Variants in NIPSNAP3B observed in about 807,000 individuals in gnomAD.
NIPSNAP3B encodes the protein nipsnap homolog 3B.
NIPSNAP3B carries 30 observed loss-of-function variants against 31.5 expected under a neutral mutation model. That is an observed-to-expected ratio of 0.95 (90% CI 0.71 to 1.29). The LOEUF is 1.29. Among genes scored for constraint, NIPSNAP3B ranks in the 50% most tolerant of loss-of-function variants. NIPSNAP3B has a pLI of 0.00. For missense variants in NIPSNAP3B, 269 were observed against 300.7 expected, an observed-to-expected ratio of 0.89 and a Z score of 0.78; for synonymous variants, 106 against 107.9, an observed-to-expected ratio of 0.98 and a Z score of 0.11.
At chr9:104,768,381 C>T (rs1443592258) in intron 2 of NIPSNAP3B, among the ~76,000 whole-genome samples, 1 of 152,152 alleles carries the variant, frequency 6.6e-6, no homozygotes, top group Non-Finnish European at 1.5e-5. Context: ...TAATCACCCA[C>T]CACCAAGGAA....
intron 2 of NIPSNAP3B, among the ~76,000 whole-genome samples, chr9:104,767,641 T>C (rs1225999597): frequency 1.3e-5 from 2 of 152,122 alleles, no homozygotes; most frequent in African/African-American, 2.4e-5. Context: ...ACATGTCCCA[T>C]TGAAAAAACT....
chr9:104,787,737 C>T, the NIPSNAP3B span: 1 of 720,750 alleles, frequency 1.4e-6, no homozygotes, highest in Non-Finnish European at 1.7e-6. Flanking sequence ...CATCTGCAGG[C>T]ATGGTACAGC....
chr9:104,790,278 CT>C, the NIPSNAP3B span, among the ~76,000 whole-genome samples: 1 of 152,064 alleles, frequency 6.6e-6, no homozygotes, highest in Admixed American at 6.5e-5. Context: ...GGGCAATTTA[CT>C]TTGTAGGAAT....
Position 104,764,305 on chromosome 9 carries a change from T to C in NIPSNAP3B, c.60+5T>C. The C allele has an allele frequency of 6.3e-7, 1 of 1,578,374 alleles. No homozygotes were observed. The highest frequency in any genetic ancestry group is 8.6e-7 in the Non-Finnish European group (1 of 1,164,690). On this transcript the variant is annotated splice_donor_5th_base_variant and intron_variant, in intron 1 of 5. Coordinates refer to ENST00000374762, the MANE Select transcript of NIPSNAP3B (RefSeq NM_018376.4). ...TCACGGACGCTCGCGCCTCAGGTAC[T>C]GGCCGCGGGGGCGCGCCCGAGCCCT...
chr9:104,768,762 C>T, intron 2 of NIPSNAP3B, 101 bp from the exon 3 acceptor site: 2 of 913,040 alleles, frequency 2.2e-6, no homozygotes, highest in South Asian at 3.9e-5. Context: ...ACATGGGGTT[C>T]CCATATGGCC....
In NIPSNAP3B at chr9:104,775,970, G is replaced by C; in HGVS notation, c.*2897G>C. On this transcript the variant is annotated 3_prime_UTR_variant, in exon 6 of 6. Coordinates refer to ENST00000374762, the MANE Select transcript of NIPSNAP3B (RefSeq NM_018376.4). ...GGGAAGTGGTCTTAACTGGTGTGCT[G>C]CCCTTCCCCTCTGCTCTCAACCCTA... 6.6e-6 allele frequency among the ~76,000 whole-genome samples: 1 copy of C among 152,156 alleles called. No individual in the cohort carries two copies. The highest frequency in any genetic ancestry group is 1.5e-5 in the Non-Finnish European group (1 of 68,026).
rs749115055 is a variant in NIPSNAP3B at position 104,766,433 on chromosome 9, A to G, written c.169A>G (p.Lys57Glu). The G allele has an allele frequency of 2.4e-5, 39 of 1,613,784 alleles. No individual in the cohort carries two copies. The East Asian group carries it at 8.7e-4, about 36-fold the overall frequency. The change falls in exon 2 of 6, where the codon AAG becomes GAG. Residue 57 changes from lysine (K) to glutamate (E), a missense_variant. Physicochemically the swap from Lys to Glu is moderately conservative, Grantham distance 56. Transcript: ENST00000374762. ...SNMNAFMENL[K>E]KNIHLRTSYS... ...TATGAATGCGTTCATGGAAAATCTTAAGAAAAACATTCATCTTCGGACCTC... is the reference window on the plus strand; with the variant it reads ...TATGAATGCGTTCATGGAAAATCTTGAGAAAAACATTCATCTTCGGACCTC...
the NIPSNAP3B span, among the ~76,000 whole-genome samples, chr9:104,790,476 T>A: frequency 6.6e-6 from 1 of 152,316 alleles, no homozygotes; most frequent in African/African-American, 2.4e-5. Flanking sequence ...GAAATATTCA[T>A]AATACACTCA....
At chr9:104,772,769 C>T (rs1351372507) in intron 4 of NIPSNAP3B, 53 bp from the exon 5 acceptor site, 2 of 1,553,454 alleles carry the variant, frequency 1.3e-6, no homozygotes, top group Non-Finnish European at 1.8e-6. Context: ...TTCAATATTT[C>T]TTATTTGCTA....
At chr9:104,787,100 T>C in the NIPSNAP3B span, 2 of 735,254 alleles carry the variant, frequency 2.7e-6, no homozygotes, top group Non-Finnish European at 2.2e-6. Flanking sequence ...TAGTTATTTC[T>C]TGATGAATCA....
chr9:104,766,277 T>G, intron 1 of NIPSNAP3B, 48 bp from the exon 2 acceptor site: 1 of 1,514,484 alleles, frequency 6.6e-7, no homozygotes. Context: ...TAACCAAATC[T>G]GTAATTGTAC....
the NIPSNAP3B span, among the ~76,000 whole-genome samples, chr9:104,788,881 A>G: frequency 2.6e-5 from 4 of 152,164 alleles, no homozygotes; most frequent in Admixed American, 2.6e-4. Context: ...TCTCAGTCAC[A>G]CTACCCCAGG....
chr9:104,774,642 A>G lies in NIPSNAP3B; in HGVS notation c.*1569A>G, dbSNP rs1238022133. Among the ~76,000 whole-genome samples the G allele has an allele frequency of 6.6e-6, 1 of 152,142 alleles. No homozygotes were observed. Among genetic ancestry groups the G allele is most frequent in the Non-Finnish European group, 1.5e-5 (1 of 68,030 alleles). ...TTTTTTAATGGGTACACTCTACGTTACCTTAAAGGCTTCCCCGGTTTAAGC... is the reference window on the plus strand; with the variant it reads ...TTTTTTAATGGGTACACTCTACGTTGCCTTAAAGGCTTCCCCGGTTTAAGC... On this transcript the variant is annotated 3_prime_UTR_variant, in exon 6 of 6. Coordinates refer to ENST00000374762, the MANE Select transcript of NIPSNAP3B (RefSeq NM_018376.4).
chr9:104,769,146 G>A (rs1210783245), intron 3 of NIPSNAP3B, 125 bp downstream of exon 3: 2 of 646,286 alleles, frequency 3.1e-6, no homozygotes, highest in Non-Finnish European at 4.6e-6. Flanking sequence ...AATATATGAT[G>A]AGTCTGGAGA....
At chr9:104,788,541 T>G in the NIPSNAP3B span, 3 of 1,614,184 alleles carry the variant, frequency 1.9e-6, no homozygotes, top group South Asian at 2.2e-5. Flanking sequence ...CATGTTCTGA[T>G]GTACTTCATG....
At chr9:104,784,767 G>A in the NIPSNAP3B span, among the ~76,000 whole-genome samples, 6 of 152,104 alleles carry the variant, frequency 3.9e-5, no homozygotes, top group South Asian at 4.2e-4. Context: ...CCTCAGCCTC[G>A]CAAGTAGCTG....
chr9:104,789,248 C>T, the NIPSNAP3B span, among the ~76,000 whole-genome samples: 14,881 of 152,236 alleles, frequency 0.098, 1,825 homozygotes, highest in African/African-American at 0.29. Flanking sequence ...GCCCTCACAG[C>T]TATACCAACC....
At chr9:104,790,550 T>C in the NIPSNAP3B span, among the ~76,000 whole-genome samples, 1 of 152,236 alleles carries the variant, frequency 6.6e-6, no homozygotes, top group East Asian at 1.9e-4. Context: ...GGCACATTTA[T>C]ATGTGTATAT....
At chr9:104,780,840 C>G (rs1452659541), downstream of NIPSNAP3B, among the ~76,000 whole-genome samples, 3 of 152,144 alleles carry the variant, frequency 2.0e-5, no homozygotes, top group Admixed American at 6.6e-5. Context: ...ACAAAACAAC[C>G]TTTTATTTTC....
Sources: gnomAD v4.1 joint callset for allele counts (sites outside exome capture counted in the v4.1 genomes callset) on GRCh38, gnomAD v4.1.1 for gene constraint, MANE v1.5 for transcripts, NCBI Gene and HGNC (gene_info 2026-07-23, HGNC 2026-07-21) for gene names.